The following EPHA5 variants were observed in gnomAD, a reference collection of about 807,000 sequenced individuals.
EPHA5 encodes the protein EPH receptor A5.
A neutral mutation model predicts 105.0 loss-of-function variants in EPHA5; 60 were observed. The observed-to-expected ratio is 0.57, with a 90% CI of 0.46 to 0.71. The LOEUF (loss-of-function observed/expected upper bound fraction) is 0.71. Ranked by LOEUF, EPHA5 falls within the 30% of genes least tolerant of loss-of-function variation. The pLI is 0.00. For missense variants in EPHA5, 1,218 were observed against 1,274.7 expected (o/e 0.96, Z 0.68); for synonymous variants, 513 against 449.1 (o/e 1.14, Z -1.80).
intron 8 of EPHA5, among the ~76,000 whole-genome samples, chr4:65,373,245 G>A (rs1306368775): frequency 6.6e-6 from 1 of 151,704 alleles, no homozygotes; most frequent in Non-Finnish European, 1.5e-5. Flanking sequence ...ATTTTGCTTA[G>A]CAAGCCTTCC....
chr4:65,608,461 G>C (rs548934234), intron 2 of EPHA5, among the ~76,000 whole-genome samples: 261 of 151,188 alleles, frequency 1.7e-3, no homozygotes, highest in African/African-American at 5.8e-3. Flanking sequence ...CCGAGATTGC[G>C]CCACTGCACC....
intron 3 of EPHA5, among the ~76,000 whole-genome samples, chr4:65,522,316 G>GTGTGTGTATATATATATATATATATA (rs777066757): frequency 3.4e-4 from 49 of 142,864 alleles, no homozygotes; most frequent in African/African-American, 1.3e-3. Flanking sequence ...ATATATATAT[G>GTGTGTGTATATATATATATATATATA]TATATATATA....
chr4:65,378,632 C>T (rs1313549709), intron 8 of EPHA5, among the ~76,000 whole-genome samples: 1 of 151,828 alleles, frequency 6.6e-6, no homozygotes, highest in African/African-American at 2.4e-5. Flanking sequence ...TTTAGTGCTG[C>T]TGTGGCAGAG....
Position 65,520,259 on chromosome 4 carries a change from C to G in EPHA5, c.911-24716G>C, listed in dbSNP as rs571462689. 3.1e-3 allele frequency among the ~76,000 whole-genome samples: 468 copies of G among 152,120 alleles called. 4 individuals are homozygous for G. The highest frequency in any genetic ancestry group is 0.01 in the African/African-American group (433 of 41,510). On this transcript the variant is annotated intron_variant, in intron 3 of 16. Transcript: ENST00000613740. ...ACCATCTGATCTTTGACAAACCTGA[C>G]AAAAACAAGCAATGGGGAAAGGATT...
intron 5 of EPHA5, among the ~76,000 whole-genome samples, chr4:65,450,974 G>A (rs1162032374): frequency 6.6e-6 from 1 of 152,096 alleles, no homozygotes; most frequent in African/African-American, 2.4e-5. Flanking sequence ...CGCACAAGAG[G>A]AAACATCTTT....
At chr4:65,526,135 A>G (rs918600139) in intron 3 of EPHA5, among the ~76,000 whole-genome samples, 10 of 151,924 alleles carry the variant, frequency 6.6e-5, no homozygotes, top group Non-Finnish European at 1.0e-4. Context: ...CATTTATCAA[A>G]TCAGATAAAT....
intron 3 of EPHA5, among the ~76,000 whole-genome samples, chr4:65,538,150 G>A (rs12504596): frequency 0.11 from 17,395 of 151,702 alleles, 1,439 homozygotes; most frequent in East Asian, 0.3. Context: ...AGTGCACTAT[G>A]TGAAACAAAG....
chr4:65,642,986 T>C (rs1189001874), intron 2 of EPHA5, among the ~76,000 whole-genome samples: 2 of 152,068 alleles, frequency 1.3e-5, no homozygotes, highest in Non-Finnish European at 2.9e-5. Context: ...TAAATTTTAT[T>C]TCCTGTGCAA....
rs1023470259 is a variant in EPHA5 at position 65,376,861 on chromosome 4, A to G, written c.1794-9437T>C. The G allele has an allele frequency of 5.0e-6, 3 of 599,516 alleles. No homozygotes were observed. The African/African-American group carries it at 5.6e-5, about 11-fold the overall frequency. 37.1% of individuals were successfully genotyped at this position (599,516 alleles called of 1,614,324 possible). On this transcript the variant is annotated intron_variant, in intron 8 of 16. Coordinates refer to ENST00000613740, the MANE Select transcript of EPHA5 (RefSeq NM_001281766.3). Reference sequence around the variant, plus strand: ...TTTATTTGAAATAATCCATTGTGAAATCACTTGTTAGGATTCACCTTGGGG... The same window carrying G: ...TTTATTTGAAATAATCCATTGTGAAGTCACTTGTTAGGATTCACCTTGGGG...
At chr4:65,543,904 C>T (rs1031819525) in intron 3 of EPHA5, among the ~76,000 whole-genome samples, 1 of 151,970 alleles carries the variant, frequency 6.6e-6, no homozygotes, top group Non-Finnish European at 1.5e-5. Flanking sequence ...GAACAGAGAC[C>T]TCAGAAATAA....
At chr4:65,401,121 T>C (rs1022251119) in intron 8 of EPHA5, among the ~76,000 whole-genome samples, 2 of 152,086 alleles carry the variant, frequency 1.3e-5, no homozygotes, top group East Asian at 3.9e-4. Context: ...GGGAGCAACA[T>C]ATATAATCCT....
At chr4:65,401,061 T>TGA (rs903618688) in intron 8 of EPHA5, among the ~76,000 whole-genome samples, 2 of 151,282 alleles carry the variant, frequency 1.3e-5, no homozygotes, top group East Asian at 1.9e-4. Context: ...TGTGTGTGTG[T>TGA]GAGAGAGAGA....
At chr4:65,641,638 A>G (rs1263580611) in intron 2 of EPHA5, among the ~76,000 whole-genome samples, 1 of 152,130 alleles carries the variant, frequency 6.6e-6, no homozygotes, top group East Asian at 1.9e-4. Flanking sequence ...ACAATACAAA[A>G]CATAACACCT....
chr4:65,554,538 A>C (rs995600014), intron 3 of EPHA5, among the ~76,000 whole-genome samples: 1 of 151,380 alleles, frequency 6.6e-6, no homozygotes, highest in African/African-American at 2.4e-5. Flanking sequence ...TTTTAAAAAC[A>C]AAAATATAAA....
intron 8 of EPHA5, among the ~76,000 whole-genome samples, chr4:65,375,529 T>C (rs959153535): frequency 2.6e-5 from 4 of 151,894 alleles, no homozygotes; most frequent in Middle Eastern, 3.2e-3. Flanking sequence ...AAATCAAGAA[T>C]TTCAATCTGG....
chr4:65,628,920 GATAT>G (rs2149488291), intron 2 of EPHA5, among the ~76,000 whole-genome samples: 1 of 152,082 alleles, frequency 6.6e-6, no homozygotes, highest in African/African-American at 2.4e-5. Context: ...GTCCTGTCCT[GATAT>G]ATATACTGTA....
chr4:65,438,350 T>C (rs1356837875), intron 5 of EPHA5, among the ~76,000 whole-genome samples: 1 of 140,068 alleles, frequency 7.1e-6, no homozygotes, highest in Admixed American at 7.0e-5. Flanking sequence ...TAATTAGTTA[T>C]TATTTAACAT....
chr4:65,652,167 T>C (rs2149530624), intron 1 of EPHA5, among the ~76,000 whole-genome samples: 1 of 152,292 alleles, frequency 6.6e-6, no homozygotes, highest in African/African-American at 2.4e-5. Flanking sequence ...TGTATATAGA[T>C]AATATGAGGC....
intron 3 of EPHA5, among the ~76,000 whole-genome samples, chr4:65,585,824 T>A (rs1336708968): frequency 1.3e-5 from 2 of 151,824 alleles, no homozygotes; most frequent in Non-Finnish European, 3.0e-5. Context: ...GGAGCATATG[T>A]TTTTCTACAG....
Sources: allele counts gnomAD v4.1 joint callset (sites outside exome capture counted in the v4.1 genomes callset), GRCh38; gene constraint gnomAD v4.1.1; transcripts MANE v1.5; gene names NCBI Gene and HGNC (gene_info 2026-07-23, HGNC 2026-07-21).